Variants in HOMER1 observed in about 807,000 individuals in gnomAD.
HOMER1 encodes the protein homer protein homolog 1.
Under a neutral mutation model 48.9 loss-of-function variants are expected in HOMER1, and 3 were observed. That is an observed-to-expected ratio of 0.06 (90% CI 0.03 to 0.16). The LOEUF (loss-of-function observed/expected upper bound fraction) is 0.16, where lower values mean the gene tolerates loss of function less well. HOMER1 is among the 10% of genes least tolerant of loss of function. HOMER1 has a pLI of 1.00. For synonymous variants in HOMER1, 134 were observed against 146.4 expected (o/e 0.92, Z 0.61); for missense variants, 247 against 411.4 (o/e 0.60, Z 3.46).
intron 1 of HOMER1, among the ~76,000 whole-genome samples, chr5:79,459,302 G>A (rs1053840434): frequency 2.0e-5 from 3 of 152,156 alleles, no homozygotes; most frequent in Admixed American, 6.5e-5. Context: ...AATGTTTTCA[G>A]TACGGTAAAG....
intron 1 of HOMER1, among the ~76,000 whole-genome samples, chr5:79,490,138 A>G (rs1752227596): frequency 6.6e-6 from 1 of 152,242 alleles, no homozygotes; most frequent in South Asian, 2.1e-4. Context: ...CATTTAGAAG[A>G]GTGCCAGGCA....
intron 8 of HOMER1, among the ~76,000 whole-genome samples, chr5:79,393,590 A>G (rs996232206): frequency 1.3e-5 from 2 of 152,244 alleles, no homozygotes; most frequent in African/African-American, 4.8e-5. Context: ...AGGGGGTACC[A>G]ATATCCAGTG....
intron 1 of HOMER1, among the ~76,000 whole-genome samples, chr5:79,459,771 A>G (rs987129263): frequency 6.6e-6 from 1 of 152,240 alleles, no homozygotes; most frequent in Non-Finnish European, 1.5e-5. Flanking sequence ...TTCTCTAAAA[A>G]TAAGTAACTG....
chr5:79,427,709 T>TTTCCTTCCCTTCC (rs1458911486), intron 5 of HOMER1, among the ~76,000 whole-genome samples: 2 of 121,142 alleles, frequency 1.7e-5, no homozygotes, highest in Non-Finnish European at 3.4e-5. Context: ...CCTTCCTTCC[T>TTTCCTTCCCTTCC]TTCCTTCCCT....
At chr5:79,384,519 C>A (rs905061341) in intron 8 of HOMER1, among the ~76,000 whole-genome samples, 14 of 152,096 alleles carry the variant, frequency 9.2e-5, no homozygotes, top group African/African-American at 3.1e-4. Context: ...AGTCTCCCAA[C>A]AAAGAAAAAT....
At chr5:79,443,069 A>C (rs1750778782) in intron 4 of HOMER1, among the ~76,000 whole-genome samples, 1 of 152,152 alleles carries the variant, frequency 6.6e-6, no homozygotes, top group Non-Finnish European at 1.5e-5. Context: ...AATATTTTGC[A>C]ACCACCAGCT....
intron 1 of HOMER1, among the ~76,000 whole-genome samples, chr5:79,465,369 T>A (rs991477258): frequency 2.6e-5 from 4 of 151,976 alleles, no homozygotes; most frequent in African/African-American, 9.7e-5. Flanking sequence ...ATGATCTGAA[T>A]TCCTTGATCT....
At position 79,492,294 on chromosome 5, in the gene HOMER1, G is replaced by T. The variant is rs115587970; in HGVS notation, c.5+20476C>A. ...GTAATAGAATTAGTACAGGGGTACA[G>T]TTACTTTGGGTGAAACTACTTTGAC... On this transcript the variant is annotated intron_variant, in intron 1 of 8. Coordinates refer to ENST00000334082, the MANE Select transcript of HOMER1 (RefSeq NM_004272.5). Among the ~76,000 whole-genome samples, 347 of 152,308 alleles carry T rather than the reference G, an allele frequency of 2.3e-3. 1 individual carries two copies. Among genetic ancestry groups the T allele is most frequent in the Non-Finnish European group, 4.4e-3 (300 of 68,024 alleles).
chr5:79,378,222 C>CAAAAAAAAAAAAAAAAAAA lies in HOMER1; in HGVS notation c.877-2044_877-2026dup, dbSNP rs58802660. 9.4e-4 allele frequency among the ~76,000 whole-genome samples: 80 copies of CAAAAAAAAAAAAAAAAAAA among 85,560 alleles called. 1 individual carries two copies. The highest frequency in any genetic ancestry group is 3.0e-3 in the African/African-American group (79 of 25,910). 56.1% of individuals were successfully genotyped at this position (85,560 alleles called of 152,430 possible). On this transcript the variant is annotated intron_variant, in intron 8 of 8. Transcript: ENST00000334082. The stretch of plus-strand genomic sequence containing the variant: ...GGGGTGACAGAGTAAGACTCTGTCT[C>CAAAAAAAAAAAAAAAAAAA]AAAAAAAAAAAAAAAAAAAGGAAAT...
intron 5 of HOMER1, among the ~76,000 whole-genome samples, chr5:79,403,310 T>C (rs1285108768): frequency 1.3e-5 from 2 of 152,176 alleles, no homozygotes; most frequent in African/African-American, 2.4e-5. Flanking sequence ...TAGGGTAAAT[T>C]TGATGGGTTG....
chr5:79,482,195 G>A (rs189239292), intron 1 of HOMER1, among the ~76,000 whole-genome samples: 10 of 152,038 alleles, frequency 6.6e-5, no homozygotes, highest in South Asian at 4.2e-4. Context: ...CTCCAGCCTG[G>A]GCAACAAGAG....
At chr5:79,404,069 A>T (rs764697156) in intron 5 of HOMER1, among the ~76,000 whole-genome samples, 2 of 152,184 alleles carry the variant, frequency 1.3e-5, no homozygotes, top group Non-Finnish European at 1.5e-5. Flanking sequence ...ACCACCTACC[A>T]GTTTTTCCCC....
intron 4 of HOMER1, among the ~76,000 whole-genome samples, chr5:79,441,150 A>C (rs9293781): frequency 0.27 from 40,440 of 151,984 alleles, 5,515 homozygotes; most frequent in South Asian, 0.37. Context: ...GTGAGACTCC[A>C]TCTCAAAATA....
chr5:79,455,680 A>C (rs1751155878), intron 2 of HOMER1, among the ~76,000 whole-genome samples: 1 of 152,220 alleles, frequency 6.6e-6, no homozygotes, highest in Non-Finnish European at 1.5e-5. Context: ...GTCTGGCTCT[A>C]CAGTGTGTGC....
intron 6 of HOMER1, among the ~76,000 whole-genome samples, chr5:79,400,735 ACTTCTTCTTTTTTTTTTTT>A (rs1204263101): frequency 7.0e-6 from 1 of 142,892 alleles, no homozygotes; most frequent in African/African-American, 2.6e-5. Flanking sequence ...AAAAAAAAAA[ACTTCTTCTTTTTTTTTTTT>A]GTTTTTTAGA....
chr5:79,386,270 T>C (rs549487201), intron 8 of HOMER1, among the ~76,000 whole-genome samples: 2 of 152,340 alleles, frequency 1.3e-5, no homozygotes, highest in African/African-American at 4.8e-5. Flanking sequence ...TACAATGGAA[T>C]ATTATTCAGC....
At chr5:79,509,038 G>A (rs1752856496) in intron 1 of HOMER1, among the ~76,000 whole-genome samples, 1 of 152,222 alleles carries the variant, frequency 6.6e-6, no homozygotes, top group Non-Finnish European at 1.5e-5. Flanking sequence ...TATAGTGCTG[G>A]ATCAAGATTT....
intron 8 of HOMER1, among the ~76,000 whole-genome samples, chr5:79,388,863 T>C (rs1050000053): frequency 4.6e-5 from 7 of 151,866 alleles, no homozygotes; most frequent in Non-Finnish European, 1.5e-5. Context: ...TTACACAAGA[T>C]TGGAGCTCCT....
At position 79,447,156 on chromosome 5, in the gene HOMER1, A is replaced by G. The variant is rs1431981594; in HGVS notation, c.295-11T>C. On this transcript the variant is annotated splice_polypyrimidine_tract_variant and intron_variant, in intron 3 of 8. Coordinates refer to ENST00000334082, the MANE Select transcript of HOMER1 (RefSeq NM_004272.5). ...AAACTTTTCTGCAAACTGAATGTAT[A>G]GAGACTACATACATTAACCAAATAA... The G allele has an allele frequency of 1.9e-6, 3 of 1,541,044 alleles. No homozygotes were observed. Among genetic ancestry groups the G allele is most frequent in the South Asian group, 1.1e-5 (1 of 89,786 alleles).
Sources: gnomAD v4.1 joint callset for allele counts (sites outside exome capture counted in the v4.1 genomes callset) on GRCh38, gnomAD v4.1.1 for gene constraint, MANE v1.5 for transcripts, NCBI Gene and HGNC (gene_info 2026-07-23, HGNC 2026-07-21) for gene names.